The following SORCS2 variants were observed in gnomAD, a reference collection of about 807,000 sequenced individuals.
SORCS2 encodes the protein sortilin related VPS10 domain containing receptor 2, also known as VPS10 domain-containing receptor SorCS2.
SORCS2 carries 100 observed loss-of-function variants against 141.6 expected under a neutral mutation model. That is an observed-to-expected ratio of 0.71 (90% CI 0.60 to 0.83). The LOEUF (loss-of-function observed/expected upper bound fraction) is 0.83. Among genes scored for constraint, SORCS2 ranks in the 40% least tolerant of loss-of-function variants. The pLI, the probability that SORCS2 is intolerant of heterozygous loss-of-function variation, is 0.00. For synonymous variants in SORCS2, 789 were observed against 676.9 expected (o/e 1.17, Z -2.57); for missense variants, 1,646 against 1,560.2 (o/e 1.05, Z -0.93).
At chr4:7,512,859 C>T (rs977500822) in intron 2 of SORCS2, among the ~76,000 whole-genome samples, 19 of 152,086 alleles carry the variant, frequency 1.2e-4, no homozygotes, top group African/African-American at 4.1e-4. Flanking sequence ...AGGGCAGCTT[C>T]CTTCCAAAGC....
intron 1 of SORCS2, among the ~76,000 whole-genome samples, chr4:7,388,420 AAGG>A (rs1425701680): frequency 1.3e-5 from 2 of 152,158 alleles, no homozygotes; most frequent in Non-Finnish European, 2.9e-5. Context: ...GAGGCTTTGA[AAGG>A]AGGAGTCTTC....
chr4:7,704,126 C>T, intron 13 of SORCS2, 51 bp from the exon 14 acceptor site: 2 of 1,548,566 alleles, frequency 1.3e-6, no homozygotes, highest in Non-Finnish European at 1.8e-6. Flanking sequence ...GTCCCAGACA[C>T]AGGGAGCTTT....
chr4:7,527,463 TGGGCCTCGGGGCCTC>T (rs1733766493), intron 2 of SORCS2, among the ~76,000 whole-genome samples: 1 of 152,062 alleles, frequency 6.6e-6, no homozygotes, highest in Non-Finnish European at 1.5e-5. Context: ...GACTCTGCAG[TGGGCCTCGGGGCCTC>T]GGGGCGAGGA....
chr4:7,659,033 C>A (rs1025911677), intron 5 of SORCS2, among the ~76,000 whole-genome samples: 8 of 152,154 alleles, frequency 5.3e-5, no homozygotes, highest in African/African-American at 1.9e-4. Context: ...AATGGATAAG[C>A]GGCTTTAACA....
At chr4:7,403,279 A>G (rs1449465316) in intron 2 of SORCS2, among the ~76,000 whole-genome samples, 1 of 152,148 alleles carries the variant, frequency 6.6e-6, no homozygotes, top group African/African-American at 2.4e-5. Context: ...GGTCTGCTTC[A>G]TATCTGTTTA....
intron 1 of SORCS2, among the ~76,000 whole-genome samples, chr4:7,244,298 C>G (rs184557843): frequency 1.7e-4 from 26 of 152,308 alleles, no homozygotes; most frequent in Non-Finnish European, 2.9e-5. Context: ...CTCATGCACT[C>G]CCCCCGAGTG....
chr4:7,395,643 C>G (rs1724162630), intron 1 of SORCS2, among the ~76,000 whole-genome samples: 1 of 76,460 alleles, frequency 1.3e-5, no homozygotes, highest in Non-Finnish European at 2.6e-5. Flanking sequence ...GCCTGAAATG[C>G]AAACAGCGTG....
chr4:7,463,872 A>G (rs375586688), intron 2 of SORCS2, among the ~76,000 whole-genome samples: 14 of 152,336 alleles, frequency 9.2e-5, no homozygotes, highest in East Asian at 5.8e-4. Context: ...GGGAACCAAG[A>G]TACAGTAGCA....
intron 3 of SORCS2, among the ~76,000 whole-genome samples, chr4:7,598,990 G>A (rs1384527332): frequency 6.6e-6 from 1 of 152,240 alleles, no homozygotes; most frequent in Admixed American, 6.5e-5. Flanking sequence ...GCAGGCGGCA[G>A]GGTTGAAGCA....
intron 1 of SORCS2, among the ~76,000 whole-genome samples, chr4:7,337,791 T>C (rs1443861636): frequency 1.3e-5 from 2 of 152,334 alleles, no homozygotes; most frequent in South Asian, 4.1e-4. Flanking sequence ...TGGCCACCTG[T>C]GAGCCGGCCC....
chr4:7,522,677 T>G (rs1023618151), intron 2 of SORCS2, among the ~76,000 whole-genome samples: 3 of 144,498 alleles, frequency 2.1e-5, no homozygotes, highest in Middle Eastern at 7.1e-3. Context: ...CCTCCCTTTC[T>G]TCCCTCTTCT....
intron 2 of SORCS2, chr4:7,433,527 C>G: frequency 5.0e-6 from 8 of 1,609,182 alleles, no homozygotes; most frequent in Non-Finnish European, 5.9e-6. Context: ...CCTTGAGACT[C>G]TCAATGAGCA....
chr4:7,657,609 G>A (rs1432405792), intron 5 of SORCS2, among the ~76,000 whole-genome samples: 4 of 145,700 alleles, frequency 2.7e-5, no homozygotes, highest in East Asian at 1.9e-4. Flanking sequence ...GAGTGAGTGG[G>A]TGAGTGAGTC....
At chr4:7,477,371 G>A (rs62277643) in intron 2 of SORCS2, among the ~76,000 whole-genome samples, 22 of 147,154 alleles carry the variant, frequency 1.5e-4, no homozygotes, top group South Asian at 6.9e-4. Context: ...GCTGACCGTG[G>A]CTGACCGTGG....
At chr4:7,657,918 TTGAG>T (rs1277712381) in intron 5 of SORCS2, among the ~76,000 whole-genome samples, 1 of 143,216 alleles carries the variant, frequency 7.0e-6, no homozygotes, top group Admixed American at 6.9e-5. Context: ...GAGTCTATGG[TTGAG>T]TGAGTGAATA....
chr4:7,696,571 C>G (rs1251497742), intron 11 of SORCS2, among the ~76,000 whole-genome samples: 4 of 152,188 alleles, frequency 2.6e-5, no homozygotes, highest in Admixed American at 6.5e-5. Flanking sequence ...AGCATTAAGT[C>G]TGAGCCCCTC....
At chr4:7,418,704 C>CG (rs373758064) in intron 2 of SORCS2, among the ~76,000 whole-genome samples, 14 of 98,338 alleles carry the variant, frequency 1.4e-4, no homozygotes, top group South Asian at 4.0e-4. Context: ...AACAAATGAC[C>CG]CCCCCCCCCA....
At chr4:7,488,555 G>A (rs1381364270) in intron 2 of SORCS2, among the ~76,000 whole-genome samples, 1 of 152,202 alleles carries the variant, frequency 6.6e-6, no homozygotes, top group Admixed American at 6.5e-5. Context: ...ATTTCCCAGA[G>A]CATCCTCCAC....
At chr4:7,325,129 C>G (rs1385271703) in intron 1 of SORCS2, among the ~76,000 whole-genome samples, 1 of 152,204 alleles carries the variant, frequency 6.6e-6, no homozygotes, top group Non-Finnish European at 1.5e-5. Flanking sequence ...CCCAGGCCCC[C>G]TTGGGTGGGG....
Sources: allele counts gnomAD v4.1 joint callset (sites outside exome capture counted in the v4.1 genomes callset), GRCh38; gene constraint gnomAD v4.1.1; transcripts MANE v1.5; gene names NCBI Gene and HGNC (gene_info 2026-07-23, HGNC 2026-07-21).